The following HIP1 variants were observed in gnomAD, a reference collection of about 807,000 sequenced individuals.
The protein encoded by HIP1 is huntingtin-interacting protein 1.
A neutral mutation model predicts 147.6 loss-of-function variants in HIP1; 65 were observed. The observed-to-expected ratio is 0.44, with a 90% CI of 0.36 to 0.54. The LOEUF (loss-of-function observed/expected upper bound fraction) is 0.54. Ranked by LOEUF, HIP1 falls within the 20% of genes least tolerant of loss-of-function variation. The pLI is 0.00. For synonymous variants in HIP1, 479 were observed against 504.0 expected, an observed-to-expected ratio of 0.95 and a Z score of 0.67; for missense variants, 1,061 against 1,299.6, an observed-to-expected ratio of 0.82 and a Z score of 2.82.
chr7:75,688,047 C>A (rs1399532315), intron 1 of HIP1, among the ~76,000 whole-genome samples: 2 of 152,134 alleles, frequency 1.3e-5, no homozygotes, highest in African/African-American at 4.8e-5. Context: ...TCCTGTCCCC[C>A]TGAAGGCCAC....
chr7:75,544,013 A>C lies in HIP1; in HGVS notation c.2766+682T>G, dbSNP rs368662431. Among the ~76,000 whole-genome samples, 629 of 152,266 alleles carry C rather than the reference A, an allele frequency of 4.1e-3. 4 individuals are homozygous for C. Among genetic ancestry groups the C allele is most frequent in the African/African-American group, 0.014 (599 of 41,566 alleles). Reference sequence around the variant, plus strand: ...CGGTGAAACCCCGTCTCCACTAAAAATACAAAAAATTAGCTGGGCGTGGTG... The same window carrying C: ...CGGTGAAACCCCGTCTCCACTAAAACTACAAAAAATTAGCTGGGCGTGGTG... On this transcript the variant is annotated intron_variant, in intron 27 of 30. Coordinates refer to ENST00000336926, the MANE Select transcript of HIP1 (RefSeq NM_005338.7).
chr7:75,681,606 AAG>A (rs574509814), intron 1 of HIP1, among the ~76,000 whole-genome samples: 37 of 150,344 alleles, frequency 2.5e-4, no homozygotes, highest in Non-Finnish European at 4.3e-4. Flanking sequence ...TCCCAGGCTC[AAG>A]TGATCCTCCT....
At chr7:75,643,112 C>A (rs1449923148) in intron 1 of HIP1, among the ~76,000 whole-genome samples, 1 of 152,196 alleles carries the variant, frequency 6.6e-6, no homozygotes, top group Non-Finnish European at 1.5e-5. Context: ...GCCCTAAAGA[C>A]CACACTGAGG....
At chr7:75,715,612 A>G (rs1801293131) in intron 1 of HIP1, among the ~76,000 whole-genome samples, 1 of 151,046 alleles carries the variant, frequency 6.6e-6, no homozygotes, top group African/African-American at 2.4e-5. Context: ...TCTCTACTAA[A>G]AATACAAGAA....
At chr7:75,586,655 C>A in intron 5 of HIP1, 98 bp downstream of exon 5, 1 of 776,558 alleles carries the variant, frequency 1.3e-6, no homozygotes, top group Non-Finnish European at 2.3e-6. Flanking sequence ...CCTGGGCTGT[C>A]TATTACCTGA....
At chr7:75,684,010 A>T (rs782505479) in intron 1 of HIP1, among the ~76,000 whole-genome samples, 53 of 151,956 alleles carry the variant, frequency 3.5e-4, no homozygotes, top group Non-Finnish European at 6.0e-4. Context: ...TTGGCCAGGC[A>T]TGGTGGCTCA....
Position 75,631,457 on chromosome 7 carries a change from A to G in HIP1, c.121-32210T>C, listed in dbSNP as rs992947065. Reference sequence around the variant, plus strand: ...AAAGCCCAGGCTCAGCATCTGGAGCAGCCTCAGGATGCAGACGAGCCTCCC... The same window carrying G: ...AAAGCCCAGGCTCAGCATCTGGAGCGGCCTCAGGATGCAGACGAGCCTCCC... On this transcript the variant is annotated intron_variant, in intron 1 of 30. Coordinates refer to ENST00000336926, the MANE Select transcript of HIP1 (RefSeq NM_005338.7). Among the ~76,000 whole-genome samples, 3 of 152,294 alleles carry G rather than the reference A, an allele frequency of 2.0e-5. No individual in the cohort carries two copies. The South Asian group carries it at 6.2e-4, about 32-fold the overall frequency.
intron 1 of HIP1, among the ~76,000 whole-genome samples, chr7:75,610,326 A>C (rs782336901): frequency 1.3e-5 from 2 of 149,958 alleles, no homozygotes; most frequent in Non-Finnish European, 3.0e-5. Context: ...CTCCAGCCTT[A>C]GCCTCCCGGG....
At chr7:75,661,513 C>T (rs1425977883) in intron 1 of HIP1, among the ~76,000 whole-genome samples, 1 of 141,060 alleles carries the variant, frequency 7.1e-6, no homozygotes, top group Non-Finnish European at 1.5e-5. Flanking sequence ...GCGGAGGTTG[C>T]AGTGAGCCGA....
intron 30 of HIP1, 31 bp from the exon 31 acceptor site, chr7:75,538,255 G>A: frequency 6.3e-7 from 1 of 1,577,474 alleles, no homozygotes; most frequent in Non-Finnish European, 8.7e-7. Flanking sequence ...ATGTTGCAAA[G>A]CACTCATGAA....
At chr7:75,559,960 G>A (rs587774594) in intron 13 of HIP1, 45 bp from the exon 14 acceptor site, 1 of 1,519,710 alleles carries the variant, frequency 6.6e-7, no homozygotes, top group Non-Finnish European at 8.8e-7. Context: ...CACTGCCACG[G>A]GTCACGGGCA....
chr7:75,705,770 A>G (rs1800972720), intron 1 of HIP1, among the ~76,000 whole-genome samples: 1 of 152,220 alleles, frequency 6.6e-6, no homozygotes, highest in Non-Finnish European at 1.5e-5. Context: ...GCTGATGTGT[A>G]AATAATGCTG....
At position 75,534,173 on chromosome 7, in the gene HIP1, G is replaced by A. The variant is rs1793997162; in HGVS notation, c.*3999C>T. The stretch of plus-strand genomic sequence containing the variant: ...CCAACTAATCTGACCGGAGCGACAT[G>A]TACCTGTGATTCCCGTGTTACCTGG... On this transcript the variant is annotated 3_prime_UTR_variant, in exon 31 of 31. Transcript: ENST00000336926. 4.4e-6 allele frequency: 1 copy of A among 228,914 alleles called. No homozygotes were observed. The highest frequency in any genetic ancestry group is 8.7e-6 in the Non-Finnish European group (1 of 115,320). The allele number at this position is 228,914 out of a possible 1,614,324, so 14.2% of individuals were successfully genotyped here. A position where few individuals can be genotyped will look rare whatever the true frequency, so the allele number is the denominator to read the frequency against.
intron 21 of HIP1, 23 bp from the exon 22 acceptor site, chr7:75,553,612 A>G: frequency 1.9e-6 from 3 of 1,603,366 alleles, no homozygotes; most frequent in Non-Finnish European, 2.6e-6. Flanking sequence ...GGCAATAGAC[A>G]CTTTTTTTTT....
chr7:75,535,939 C>T lies in HIP1; in HGVS notation c.*2233G>A, dbSNP rs1794066050. 1 of 175,414 alleles carries T rather than the reference C, an allele frequency of 5.7e-6. No homozygotes were observed. The highest frequency in any genetic ancestry group is 1.2e-5 in the Non-Finnish European group (1 of 81,498). 10.9% of individuals were successfully genotyped at this position (175,414 alleles called of 1,614,324 possible). A position where few individuals can be genotyped will look rare whatever the true frequency, so the allele number is the denominator to read the frequency against. The stretch of plus-strand genomic sequence containing the variant: ...ATGTTGGACAGGCTGGTCTTGAACT[C>T]CTGACCTCAGGTGATCCTACCACCT... On this transcript the variant is annotated 3_prime_UTR_variant, in exon 31 of 31. Coordinates refer to ENST00000336926, the MANE Select transcript of HIP1 (RefSeq NM_005338.7).
chr7:75,591,722 CAAA>C (rs1168286308), intron 4 of HIP1, among the ~76,000 whole-genome samples: 10 of 79,664 alleles, frequency 1.3e-4, no homozygotes, highest in Admixed American at 3.9e-4. Flanking sequence ...CCGTCTCTAC[CAAA>C]AAAAAAAAAA....
chr7:75,709,724 A>G (rs1469770635), intron 1 of HIP1, among the ~76,000 whole-genome samples: 3 of 152,178 alleles, frequency 2.0e-5, no homozygotes, highest in Non-Finnish European at 4.4e-5. Context: ...TATGTTGAAT[A>G]TAAGTGGCAA....
chr7:75,618,989 A>G (rs2117085352), intron 1 of HIP1, among the ~76,000 whole-genome samples: 1 of 151,698 alleles, frequency 6.6e-6, no homozygotes, highest in South Asian at 2.1e-4. Flanking sequence ...CTTTTGTTCT[A>G]TTTCTGCAGG....
chr7:75,594,328 C>T (rs185726358), intron 2 of HIP1, among the ~76,000 whole-genome samples: 137 of 151,906 alleles, frequency 9.0e-4, no homozygotes, highest in African/African-American at 3.1e-3. Context: ...GAACACCCGA[C>T]TTCTTCCATA....
Sources: allele counts gnomAD v4.1 joint callset (sites outside exome capture counted in the v4.1 genomes callset), GRCh38; gene constraint gnomAD v4.1.1; transcripts MANE v1.5; gene names NCBI Gene and HGNC (gene_info 2026-07-23, HGNC 2026-07-21).